The following TMOD4 variants were observed in gnomAD, a reference collection of about 807,000 sequenced individuals.
The protein encoded by TMOD4 is tropomodulin 4, also known as tropomodulin-4.
In TMOD4, 34 loss-of-function variants were observed where a neutral mutation model predicts 45.4. The ratio of observed to expected loss-of-function variants is 0.75; its 90% CI spans 0.57 to 1.00. The LOEUF (loss-of-function observed/expected upper bound fraction) is 1.00, where lower values mean the gene tolerates loss of function less well. TMOD4 is among the 50% of genes least tolerant of loss of function. The probability of loss-of-function intolerance (pLI) is 0.00; values close to 1 mark genes in which losing one functional copy is unlikely to be tolerated. For synonymous variants in TMOD4, 131 were observed against 153.9 expected, an observed-to-expected ratio of 0.85 and a Z score of 1.10; for missense variants, 399 against 437.5, an observed-to-expected ratio of 0.91 and a Z score of 0.78.
intron 4 of TMOD4, among the ~76,000 whole-genome samples, chr1:151,172,776 G>C (rs906613179): frequency 2.0e-5 from 3 of 152,120 alleles, no homozygotes; most frequent in Non-Finnish European, 4.4e-5. Context: ...GGGATTACAG[G>C]TGCATGCTGC....
chr1:151,173,204 G>A (rs1181146991), intron 4 of TMOD4, among the ~76,000 whole-genome samples: 1 of 151,964 alleles, frequency 6.6e-6, no homozygotes, highest in Non-Finnish European at 1.5e-5. Flanking sequence ...AATCCTGAGT[G>A]CTCCCAAGTG....
intron 5 of TMOD4, 30 bp from the exon 6 acceptor site, chr1:151,171,793 A>AACAT: frequency 6.2e-7 from 1 of 1,603,500 alleles, no homozygotes; most frequent in African/African-American, 1.3e-5. Flanking sequence ...AGGGAACCCC[A>AACAT]ACATGTTCCC....
rs1301616488 is a variant in TMOD4 at position 151,170,551 on chromosome 1, G to A, written c.983C>T (p.Ala328Val). Reference sequence around the variant, plus strand: ...ATTGTTTCGGGTCATGGCCTGGGCTGCCCGAGCTCGTGGCCCCTGCTGTGT... The same window carrying A: ...ATTGTTTCGGGTCATGGCCTGGGCTACCCGAGCTCGTGGCCCCTGCTGTGT... ...HFTQQGPRAR[A>V]AQAMTRNNEL... Residue 328 changes from alanine to valine, a missense_variant, in exon 9 of 10, where the codon GCA becomes GTA. Physicochemically the swap from Ala to Val is moderately conservative, Grantham distance 64. Coordinates refer to ENST00000295314, the MANE Select transcript of TMOD4 (RefSeq NM_013353.3). The A allele has an allele frequency of 1.9e-6, 3 of 1,614,092 alleles. No individual in the cohort carries two copies. The highest frequency in any genetic ancestry group is 1.7e-6 in the Non-Finnish European group (2 of 1,180,052).
intron 8 of TMOD4, 82 bp from the exon 9 acceptor site, chr1:151,170,745 C>A: frequency 6.4e-7 from 1 of 1,567,274 alleles, no homozygotes; most frequent in South Asian, 1.2e-5. Flanking sequence ...TTTGGGAGGT[C>A]AAAGAAGCTT....
In TMOD4 at chr1:151,172,355, T is replaced by C. The variant is rs747220829; in HGVS notation, c.400A>G (p.Ile134Val). The C allele has an allele frequency of 2.8e-5, 45 of 1,612,322 alleles. No individual in the cohort carries two copies. Among genetic ancestry groups the C allele is most frequent in the South Asian group, 1.8e-4 (16 of 91,044 alleles). ...TDAEMCDIAA[I>V]LDMYTLMSNK... ...CTCATCAGTGTGTACATGTCCAGAA[T>C]TGCTGGAGAGGGTAAGAAGAGGAGT... Residue 134 changes from isoleucine to valine, a missense_variant and splice_region_variant, in exon 5 of 10, where the codon ATT (isoleucine) becomes GTT (valine). Coordinates refer to ENST00000295314, the MANE Select transcript of TMOD4 (RefSeq NM_013353.3).
At chr1:151,173,691 T>A in intron 3 of TMOD4, 76 bp from the exon 4 acceptor site, 1 of 1,172,188 alleles carries the variant, frequency 8.5e-7, no homozygotes. Flanking sequence ...TCCTTCCTCC[T>A]CCAGGAGGTA....
At chr1:151,174,234 A>T (rs1341424878) in intron 3 of TMOD4, among the ~76,000 whole-genome samples, 157 bp downstream of exon 3, 1 of 152,092 alleles carries the variant, frequency 6.6e-6, no homozygotes, top group Admixed American at 6.6e-5. Flanking sequence ...AGAAAAAAAA[A>T]AGAACTGAAG....
intron 9 of TMOD4, chr1:151,170,312 G>A (rs1448157911): frequency 5.9e-6 from 5 of 840,480 alleles, no homozygotes; most frequent in Non-Finnish European, 7.5e-6. Flanking sequence ...ATTATCTCTG[G>A]CATCCTTTCT....
At position 151,174,924 on chromosome 1, in the gene TMOD4, A is replaced by C. The variant is rs748860191; in HGVS notation, c.-42-7T>G. 1 of 1,612,162 alleles carries C rather than the reference A, an allele frequency of 6.2e-7. No homozygotes were observed. The highest frequency in any genetic ancestry group is 8.5e-7 in the Non-Finnish European group (1 of 1,178,854). ...TGTGTGGTACTCACAGAGCCTGGGC[A>C]ACATGGGACAAAAGGATGGACAATG... On this transcript the variant is annotated splice_region_variant and splice_polypyrimidine_tract_variant and intron_variant, in intron 1 of 9. Transcript: ENST00000295314.
In TMOD4 at chr1:151,170,025, A is replaced by G. The variant is rs767593974; in HGVS notation, c.*56T>C. 3.1e-6 allele frequency: 5 copies of G among 1,599,688 alleles called. No individual in the cohort carries two copies. Among genetic ancestry groups the G allele is most frequent in the Non-Finnish European group, 4.3e-6 (5 of 1,167,080 alleles). ...TTTTATTTACAGGAAAGGAGGACAG[A>G]TGAGGATTTAAGTGTCCAGTGCTCC... On this transcript the variant is annotated 3_prime_UTR_variant, in exon 10 of 10. Coordinates refer to ENST00000295314, the MANE Select transcript of TMOD4 (RefSeq NM_013353.3).
At position 151,171,592 on chromosome 1, in the gene TMOD4, G is replaced by A. The variant is rs587632353; in HGVS notation, c.618+41C>T. 3.7e-5 allele frequency: 60 copies of A among 1,614,090 alleles called. No homozygotes were observed. In the East Asian group the frequency reaches 8.2e-4, roughly 22 times the overall value. On this transcript the variant is annotated intron_variant, in intron 6 of 9. Coordinates refer to ENST00000295314, the MANE Select transcript of TMOD4 (RefSeq NM_013353.3). ...GGCTAAGGGACTCTCGGATGTCAGT[G>A]GTTATCCGGTGTTATGGTTTGGAGG...
At chr1:151,174,344 C>A in intron 3 of TMOD4, 47 bp downstream of exon 3, 1 of 1,594,696 alleles carries the variant, frequency 6.3e-7, no homozygotes, top group Non-Finnish European at 8.6e-7. Context: ...TGAGAGACAG[C>A]ACAGCCACTT....
intron 5 of TMOD4, 56 bp downstream of exon 5, chr1:151,172,212 G>T: frequency 7.2e-7 from 1 of 1,384,118 alleles, no homozygotes; most frequent in Non-Finnish European, 1.0e-6. Flanking sequence ...CCTTCTCCCA[G>T]ACACTAGGAC....
chr1:151,175,415 T>C (rs1439730431), intron 1 of TMOD4: 1 of 152,424 alleles, frequency 6.6e-6, no homozygotes, highest in East Asian at 1.9e-4. Flanking sequence ...AGAGAGAGTC[T>C]CTTACCCCAT....
intron 5 of TMOD4, 50 bp from the exon 6 acceptor site, chr1:151,171,813 C>T (rs1398836563): frequency 3.2e-6 from 5 of 1,572,612 alleles, no homozygotes; most frequent in Non-Finnish European, 4.3e-6. Flanking sequence ...CCATAATCTC[C>T]TCCCCATTGG....
At chr1:151,171,117 G>T in intron 7 of TMOD4, 54 bp from the exon 8 acceptor site, 1 of 1,585,136 alleles carries the variant, frequency 6.3e-7, no homozygotes, top group Non-Finnish European at 8.6e-7. Context: ...AGATGACTGA[G>T]GAAAGAAAGA....
At position 151,174,932 on chromosome 1, in the gene TMOD4, A is replaced by C; in HGVS notation, c.-42-15T>G. 2 of 1,608,714 alleles carry C rather than the reference A, an allele frequency of 1.2e-6. No homozygotes were observed. Among genetic ancestry groups the C allele is most frequent in the Non-Finnish European group, 1.7e-6 (2 of 1,176,722 alleles). On this transcript the variant is annotated splice_polypyrimidine_tract_variant and intron_variant, in intron 1 of 9. Coordinates refer to ENST00000295314, the MANE Select transcript of TMOD4 (RefSeq NM_013353.3). ...ACTCACAGAGCCTGGGCAACATGGG[A>C]CAAAAGGATGGACAATGGTAAGATG...
At chr1:151,170,778 G>C in intron 8 of TMOD4, 115 bp from the exon 9 acceptor site, 1 of 1,521,350 alleles carries the variant, frequency 6.6e-7, no homozygotes, top group Middle Eastern at 2.1e-4. Flanking sequence ...TGGGTGAAGA[G>C]AGATGCTGAC....
At chr1:151,170,887 T>G in intron 8 of TMOD4, 33 bp downstream of exon 8, 1 of 1,610,704 alleles carries the variant, frequency 6.2e-7, no homozygotes. Flanking sequence ...TCAATGAGAC[T>G]GAATGCTAAC....
Sources: allele counts gnomAD v4.1 joint callset (sites outside exome capture counted in the v4.1 genomes callset), GRCh38; gene constraint gnomAD v4.1.1; transcripts MANE v1.5; gene names NCBI Gene and HGNC (gene_info 2026-07-23, HGNC 2026-07-21).